Variants in KCNQ2 observed in about 807,000 individuals in gnomAD.
The protein encoded by KCNQ2 is potassium voltage-gated channel subfamily Q member 2.
Under a neutral mutation model 84.8 loss-of-function variants are expected in KCNQ2, and 14 were observed. The ratio of observed to expected loss-of-function variants is 0.17; its 90% CI spans 0.11 to 0.26. KCNQ2 has a LOEUF of 0.26. KCNQ2 is among the 10% of genes least tolerant of loss of function. The pLI is 1.00. For synonymous variants in KCNQ2, 599 were observed against 554.1 expected (o/e 1.08, Z -1.14); for missense variants, 788 against 1,254.0 (o/e 0.63, Z 5.61).
At chr20:63,440,863 G>A (rs892434637) in intron 5 of KCNQ2, among the ~76,000 whole-genome samples, 13 of 152,016 alleles carry the variant, frequency 8.6e-5, no homozygotes, top group African/African-American at 2.4e-4. Context: ...CAGAGTGGGC[G>A]GGAGGCTGGG....
In KCNQ2 at chr20:63,406,435, A is replaced by C. The variant is rs1275324810; in HGVS notation, c.*209T>G. On this transcript the variant is annotated 3_prime_UTR_variant, in exon 17 of 17. Coordinates refer to ENST00000359125, the MANE Select transcript of KCNQ2 (RefSeq NM_172107.4). ...CTCCTGGAGCCACAGGGCCCTGCCC[A>C]GCCCTCCAGCCCCTGTTGGAAAATA... 2 of 641,028 alleles carry C rather than the reference A, an allele frequency of 3.1e-6. No individual in the cohort carries two copies. The highest frequency in any genetic ancestry group is 5.2e-6 in the Non-Finnish European group (2 of 381,340). The allele number at this position is 641,028 out of a possible 1,614,324, so 39.7% of individuals were successfully genotyped here. A position where few individuals can be genotyped will look rare whatever the true frequency, so the allele number is the denominator to read the frequency against.
At chr20:63,461,210 A>G (rs995089004) in intron 1 of KCNQ2, among the ~76,000 whole-genome samples, 2 of 152,192 alleles carry the variant, frequency 1.3e-5, no homozygotes, top group African/African-American at 4.8e-5. Context: ...TCACCCTGAC[A>G]GACGCAGCCC....
intron 1 of KCNQ2, among the ~76,000 whole-genome samples, chr20:63,463,055 CTG>C (rs10532345): frequency 0.23 from 33,782 of 147,680 alleles, 4,154 homozygotes; most frequent in East Asian, 0.43. Flanking sequence ...GGTGTCTTTT[CTG>C]TGTGTGTGTG....
intron 4 of KCNQ2, among the ~76,000 whole-genome samples, chr20:63,442,905 C>CCACCACCAT (rs2081248910): frequency 2.9e-5 from 1 of 35,032 alleles, no homozygotes. Flanking sequence ...ACCATCACCA[C>CCACCACCAT]CACCATCACC....
At chr20:63,447,038 G>A (rs930325570) in intron 1 of KCNQ2, among the ~76,000 whole-genome samples, 4 of 132,898 alleles carry the variant, frequency 3.0e-5, no homozygotes, top group East Asian at 5.2e-4. Context: ...GCCACCTCCC[G>A]GGACCCTGAA....
chr20:63,458,052 T>G (rs949950240), intron 1 of KCNQ2, among the ~76,000 whole-genome samples: 1 of 152,000 alleles, frequency 6.6e-6, no homozygotes, highest in Non-Finnish European at 1.5e-5. Context: ...CTGGCCAAAG[T>G]GCCCAGCCCA....
Position 63,460,901 on chromosome 20 carries a change from C to A in KCNQ2, c.296+11267G>T, listed in dbSNP as rs1421540456. 1.3e-5 allele frequency: 2 copies of A among 152,248 alleles called. No homozygotes were observed. Among genetic ancestry groups the A allele is most frequent in the African/African-American group, 4.8e-5 (2 of 41,454 alleles). 9.4% of individuals were successfully genotyped at this position (152,248 alleles called of 1,614,324 possible). A position where few individuals can be genotyped will look rare whatever the true frequency, so the allele number is the denominator to read the frequency against. ...GGTGGCTGGACAGGTGCTGCGGCAG[C>A]CCCAGGTCAGAGACAAGCCAACTAC... On this transcript the variant is annotated intron_variant, in intron 1 of 16. Transcript: ENST00000359125. This position sits in a 1 kb window ranked among gnomAD's most constrained non-coding sequence, Gnocchi z 5.4.
chr20:63,430,288 A>T (rs2080753977), intron 9 of KCNQ2, among the ~76,000 whole-genome samples: 1 of 152,088 alleles, frequency 6.6e-6, no homozygotes, highest in South Asian at 2.1e-4. Context: ...CTTCAGCGCC[A>T]GCCTCCTGGC....
At chr20:63,436,711 T>G (rs1240652056) in intron 7 of KCNQ2, among the ~76,000 whole-genome samples, 1 of 152,166 alleles carries the variant, frequency 6.6e-6, no homozygotes, top group African/African-American at 2.4e-5. Flanking sequence ...CGTGCAGTGT[T>G]TTACTGTTTT....
chr20:63,436,297 C>T (rs1372822274), intron 7 of KCNQ2, among the ~76,000 whole-genome samples: 2 of 151,646 alleles, frequency 1.3e-5, no homozygotes, highest in Non-Finnish European at 2.9e-5. Context: ...TTTGGGAGGC[C>T]AAGGCGGGAG....
intron 11 of KCNQ2, among the ~76,000 whole-genome samples, chr20:63,421,204 C>A (rs2145597253): frequency 6.6e-6 from 1 of 152,326 alleles, no homozygotes; most frequent in South Asian, 2.1e-4. Flanking sequence ...CCCTCCCGGG[C>A]CGGCCCTGCC....
At chr20:63,412,121 C>T in intron 15 of KCNQ2, 1 of 498,074 alleles carries the variant, frequency 2.0e-6, no homozygotes, top group Non-Finnish European at 3.6e-6. Flanking sequence ...ACTGCGGAGA[C>T]CCGGGTGCCA....
intron 12 of KCNQ2, among the ~76,000 whole-genome samples, chr20:63,418,215 C>T (rs955857603): frequency 3.3e-5 from 5 of 152,224 alleles, no homozygotes; most frequent in East Asian, 1.9e-4. Flanking sequence ...GAAAAGCTGC[C>T]GCCACCCACC....
At position 63,438,932 on chromosome 20, in the gene KCNQ2, C is replaced by G. The variant is rs568181038; in HGVS notation, c.928-212G>C. Among the ~76,000 whole-genome samples the G allele has an allele frequency of 6.6e-6, 1 of 152,038 alleles. No homozygotes were observed. Among genetic ancestry groups the G allele is most frequent in the Admixed American group, 6.6e-5 (1 of 15,262 alleles). On this transcript the variant is annotated intron_variant, in intron 6 of 16. Coordinates refer to ENST00000359125, the MANE Select transcript of KCNQ2 (RefSeq NM_172107.4). This position sits in a 1 kb window ranked among gnomAD's most constrained non-coding sequence, Gnocchi z 5.1. Reference sequence around the variant, plus strand: ...TCATCAGGGTCAGACCCGTCTCCACCGATCCATGCCTCCCCCACCTTCATC... The same window carrying G: ...TCATCAGGGTCAGACCCGTCTCCACGGATCCATGCCTCCCCCACCTTCATC...
intron 12 of KCNQ2, among the ~76,000 whole-genome samples, chr20:63,417,025 C>T (rs908246251): frequency 6.6e-6 from 1 of 152,180 alleles, no homozygotes; most frequent in Non-Finnish European, 1.5e-5. Flanking sequence ...AGTCCCGAGG[C>T]GTCGCGTGCT....
In KCNQ2 at chr20:63,425,892, A is replaced by G. The variant is rs2080614803; in HGVS notation, c.1218-1686T>C. Among the ~76,000 whole-genome samples the G allele has an allele frequency of 6.6e-6, 1 of 152,184 alleles. No individual in the cohort carries two copies. Among genetic ancestry groups the G allele is most frequent in the Non-Finnish European group, 1.5e-5 (1 of 68,038 alleles). On this transcript the variant is annotated intron_variant, in intron 10 of 16. Coordinates refer to ENST00000359125, the MANE Select transcript of KCNQ2 (RefSeq NM_172107.4). This position sits in a 1 kb window ranked among gnomAD's most constrained non-coding sequence, Gnocchi z 5.5. Reference sequence around the variant, plus strand: ...AGAAAACAAGCCATCTGCTTAAAGTATCAACAGCAGGACAGCTCTTCCCAC... The same window carrying G: ...AGAAAACAAGCCATCTGCTTAAAGTGTCAACAGCAGGACAGCTCTTCCCAC...
chr20:63,409,401 G>A (rs1281218123), intron 15 of KCNQ2, among the ~76,000 whole-genome samples: 2 of 152,254 alleles, frequency 1.3e-5, no homozygotes, highest in African/African-American at 4.8e-5. Flanking sequence ...AAGAAGGGAG[G>A]GAGGCTCCTT....
At chr20:63,411,837 G>A in intron 15 of KCNQ2, 1 of 703,070 alleles carries the variant, frequency 1.4e-6, no homozygotes, top group Non-Finnish European at 2.6e-6. Flanking sequence ...GGTACTTCTT[G>A]TGCCGGGGAG....
intron 1 of KCNQ2, among the ~76,000 whole-genome samples, chr20:63,450,096 C>T (rs6010938): frequency 0.2 from 29,180 of 144,708 alleles, 3,350 homozygotes; most frequent in Non-Finnish European, 0.26. Context: ...CTCACCCCCT[C>T]CCTCACTTAC....
Sources: gnomAD v4.1 joint callset for allele counts (sites outside exome capture counted in the v4.1 genomes callset) on GRCh38, gnomAD v4.1.1 for gene constraint, Gnocchi (gnomAD v3.1) non-coding constraint, MANE v1.5 for transcripts, NCBI Gene and HGNC (gene_info 2026-07-23, HGNC 2026-07-21) for gene names.